Variants in PCDHGB3 observed in about 807,000 individuals in gnomAD.
PCDHGB3 encodes protocadherin gamma-B3.
A neutral mutation model predicts 59.2 loss-of-function variants in PCDHGB3; 40 were observed. That is an observed-to-expected ratio of 0.68 (90% CI 0.52 to 0.88). The LOEUF (loss-of-function observed/expected upper bound fraction) is 0.88, where lower values mean the gene tolerates loss of function less well. PCDHGB3 is among the 40% of genes least tolerant of loss of function. The pLI, the probability that PCDHGB3 is intolerant of heterozygous loss-of-function variation, is 0.00. For synonymous variants in PCDHGB3, 581 were observed against 503.6 expected, an observed-to-expected ratio of 1.15 and a Z score of -2.06; for missense variants, 1,309 against 1,187.9, an observed-to-expected ratio of 1.10 and a Z score of -1.50.
chr5:141,395,126 C>T, intron 1 of PCDHGB3: 3 of 1,614,196 alleles, frequency 1.9e-6, no homozygotes, highest in Non-Finnish European at 2.5e-6. Flanking sequence ...TGATCTTTCC[C>T]CAGCCCAACT....
chr5:141,414,357 A>G, intron 1 of PCDHGB3: 3 of 1,613,888 alleles, frequency 1.9e-6, no homozygotes, highest in Non-Finnish European at 2.5e-6. Flanking sequence ...TGGCGTATCT[A>G]CCATTTAAAT....
At position 141,512,644 on chromosome 5, in the gene PCDHGB3, G is replaced by T. The variant is rs1283774989; in HGVS notation, c.*1471G>T. Reference sequence around the variant, plus strand: ...ACCCCAGACCTGCCCTTACAGTAGTGTAGCGCCCCCTCCCTCTTTCGGCTG... The same window carrying T: ...ACCCCAGACCTGCCCTTACAGTAGTTTAGCGCCCCCTCCCTCTTTCGGCTG... On this transcript the variant is annotated 3_prime_UTR_variant, in exon 4 of 4. Coordinates refer to ENST00000576222, the MANE Select transcript of PCDHGB3 (RefSeq NM_018924.5). 1 of 152,528 alleles carries T rather than the reference G, an allele frequency of 6.6e-6. No individual in the cohort carries two copies. The allele number at this position is 152,528 out of a possible 1,614,324, so 9.4% of individuals were successfully genotyped here.
intron 1 of PCDHGB3, among the ~76,000 whole-genome samples, chr5:141,430,398 C>T (rs2097281985): frequency 6.7e-6 from 1 of 150,224 alleles, no homozygotes. Flanking sequence ...AAAAAAAAAG[C>T]TCACTAAAGT....
At chr5:141,428,635 G>A (rs1411119011) in intron 1 of PCDHGB3, 1 of 180,288 alleles carries the variant, frequency 5.5e-6, no homozygotes, top group Non-Finnish European at 1.2e-5. Context: ...TAACTCTGTT[G>A]CTCCTACTCA....
chr5:141,410,976 C>G (rs750121743), intron 1 of PCDHGB3: 28 of 178,158 alleles, frequency 1.6e-4, no homozygotes, highest in Non-Finnish European at 2.6e-4. Context: ...GCCTCAGCCT[C>G]CCAAGTAGCT....
At chr5:141,389,889 G>T (rs1190060148) in intron 1 of PCDHGB3, 1 of 1,614,086 alleles carries the variant, frequency 6.2e-7, no homozygotes, top group South Asian at 1.1e-5. Context: ...CTTGCAGGAG[G>T]TGCTGCCGGA....
At chr5:141,452,472 A>C (rs995927368) in intron 1 of PCDHGB3, among the ~76,000 whole-genome samples, 6 of 152,170 alleles carry the variant, frequency 3.9e-5, no homozygotes, top group Non-Finnish European at 8.8e-5. Flanking sequence ...AGCTAGGAAA[A>C]ACACACATAA....
Position 141,507,461 on chromosome 5 carries a change from G to A in PCDHGB3, c.2563+1980G>A, listed in dbSNP as rs145114393. On this transcript the variant is annotated intron_variant, in intron 3 of 3. Coordinates refer to ENST00000576222, the MANE Select transcript of PCDHGB3 (RefSeq NM_018924.5). ...AGCTGACGGAAGGACAGAGAGAGAG[G>A]TGGCAGGGACTGCTGGCCTCCTGAG... Among the ~76,000 whole-genome samples the A allele has an allele frequency of 3.8e-3, 581 of 152,330 alleles. 5 individuals are homozygous for A. Among genetic ancestry groups the A allele is most frequent in the African/African-American group, 0.012 (485 of 41,570 alleles).
chr5:141,510,307 G>C (rs1250172295), intron 3 of PCDHGB3, among the ~76,000 whole-genome samples: 1 of 151,446 alleles, frequency 6.6e-6, no homozygotes, highest in African/African-American at 2.4e-5. Context: ...TTTTGAAATG[G>C]AGGCTTGGAA....
intron 1 of PCDHGB3, chr5:141,420,142 G>T: frequency 4.3e-6 from 7 of 1,614,004 alleles, no homozygotes; most frequent in Non-Finnish European, 5.9e-6. Flanking sequence ...GGGATCAAAT[G>T]AATCCAGAAT....
intron 1 of PCDHGB3, chr5:141,421,090 G>C (rs552694052): frequency 1.5e-6 from 1 of 661,192 alleles, no homozygotes; most frequent in Admixed American, 3.2e-5. Context: ...CACAGATCCT[G>C]ACACTGGAGA....
At chr5:141,407,429 C>T (rs2094929018) in intron 1 of PCDHGB3, among the ~76,000 whole-genome samples, 1 of 151,532 alleles carries the variant, frequency 6.6e-6, no homozygotes, top group Admixed American at 6.6e-5. Flanking sequence ...ATGTCTCTTG[C>T]CCTTAAAACC....
intron 1 of PCDHGB3, chr5:141,389,309 T>A (rs763262842): frequency 1.4e-5 from 23 of 1,613,900 alleles, no homozygotes; most frequent in Non-Finnish European, 1.9e-5. Flanking sequence ...TCAGGGCTTC[T>A]GATCCGGACT....
At chr5:141,383,976 C>G in intron 1 of PCDHGB3, 1 of 1,613,760 alleles carries the variant, frequency 6.2e-7, no homozygotes, top group Non-Finnish European at 8.5e-7. Flanking sequence ...TCCCTGAAGA[C>G]ACACCTCTTG....
intron 1 of PCDHGB3, among the ~76,000 whole-genome samples, chr5:141,481,678 G>A (rs1033213047): frequency 6.6e-6 from 1 of 152,006 alleles, no homozygotes; most frequent in African/African-American, 2.4e-5. Flanking sequence ...ATCAGGCCGG[G>A]CCTGGTGGCT....
intron 1 of PCDHGB3, chr5:141,410,181 T>C: frequency 6.2e-7 from 1 of 1,613,814 alleles, no homozygotes; most frequent in South Asian, 1.1e-5. Context: ...ACCGCCACGC[T>C]TCATCTGGTC....
At chr5:141,419,422 C>T (rs374564347) in intron 1 of PCDHGB3, 9 of 1,613,378 alleles carry the variant, frequency 5.6e-6, no homozygotes, top group Non-Finnish European at 7.6e-6. Flanking sequence ...GCGCCTTCGA[C>T]CACGAGCAGC....
rs780685517 is a variant in PCDHGB3 at position 141,489,548 on chromosome 5, T to C, written c.2416-5259T>C. 6.2e-7 allele frequency: 1 copy of C among 1,614,136 alleles called. No individual in the cohort carries two copies. Among genetic ancestry groups the C allele is most frequent in the South Asian group, 1.1e-5 (1 of 91,086 alleles). On this transcript the variant is annotated intron_variant, in intron 1 of 3. Coordinates refer to ENST00000576222, the MANE Select transcript of PCDHGB3 (RefSeq NM_018924.5). This position sits in a 1 kb window ranked among gnomAD's most constrained non-coding sequence, Gnocchi z 4.5. ...CTATGTGGAGCCAGCACCAGCTGCCTGCTGCCAGTGCAGGTGGTGACTGAA... is the reference window on the plus strand; with the variant it reads ...CTATGTGGAGCCAGCACCAGCTGCCCGCTGCCAGTGCAGGTGGTGACTGAA...
At chr5:141,455,375 G>A (rs1247820974) in intron 1 of PCDHGB3, among the ~76,000 whole-genome samples, 1 of 152,132 alleles carries the variant, frequency 6.6e-6, no homozygotes, top group Non-Finnish European at 1.5e-5. Context: ...GAAGGGAGAA[G>A]ACAGAAGGAA....
Sources: allele counts gnomAD v4.1 joint callset (sites outside exome capture counted in the v4.1 genomes callset), GRCh38; gene constraint gnomAD v4.1.1; non-coding constraint Gnocchi (gnomAD v3.1); transcripts MANE v1.5; gene names NCBI Gene and HGNC (gene_info 2026-07-23, HGNC 2026-07-21).